ZNF100: variants seen among roughly 807,000 people sequenced by gnomAD.
ZNF100 encodes zinc finger protein 100 (Y1).
In ZNF100, 12 loss-of-function variants were observed where a neutral mutation model predicts 15.8. The observed-to-expected ratio is 0.76, with a 90% confidence interval of 0.49 to 1.23. The LOEUF (loss-of-function observed/expected upper bound fraction) is 1.23, where lower values mean the gene tolerates loss of function less well. Among genes scored for constraint, ZNF100 ranks in the 50% most tolerant of loss-of-function variants. The probability of loss-of-function intolerance (pLI) is 0.00; values close to 1 mark genes in which losing one functional copy is unlikely to be tolerated. For missense variants in ZNF100, 670 were observed against 635.6 expected (o/e 1.05, Z -0.58); for synonymous variants, 226 against 214.8 (o/e 1.05, Z -0.45).
intron 2 of ZNF100, among the ~76,000 whole-genome samples, chr19:21,760,389 G>A (rs2036462645): frequency 6.6e-6 from 1 of 151,716 alleles, no homozygotes. Flanking sequence ...TAGCTAGTTG[G>A]GAGGCTGAGG....
rs1383529429 is a variant in ZNF100 at position 21,724,368 on chromosome 19, AT to A, written c.*2314del. On this transcript the variant is annotated 3_prime_UTR_variant, in exon 5 of 5. Coordinates refer to ENST00000358296, the MANE Select transcript of ZNF100 (RefSeq NM_173531.4). ...AAGGTTTATCTTTAGACTAACATATATTTAACTATATGTAAATCAAAACTAA... is the reference window on the plus strand; with the variant it reads ...AAGGTTTATCTTTAGACTAACATATATTAACTATATGTAAATCAAAACTAA... 1 of 152,176 alleles carries A rather than the reference AT, an allele frequency of 6.6e-6. No individual in the cohort carries two copies. The highest frequency in any genetic ancestry group is 1.5e-5 in the Non-Finnish European group (1 of 68,032). The allele number at this position is 152,176 out of a possible 1,614,324, so 9.4% of individuals were successfully genotyped here. A position where few individuals can be genotyped will look rare whatever the true frequency, so the allele number is the denominator to read the frequency against.
chr19:21,732,951 G>A (rs2035944619), intron 4 of ZNF100, among the ~76,000 whole-genome samples: 1 of 152,106 alleles, frequency 6.6e-6, no homozygotes, highest in Admixed American at 6.6e-5. Flanking sequence ...TGGTGGCCAG[G>A]CACAGTGGCT....
At chr19:21,739,282 G>A (rs527654499) in intron 4 of ZNF100, among the ~76,000 whole-genome samples, 67 of 152,296 alleles carry the variant, frequency 4.4e-4, no homozygotes, top group Admixed American at 1.2e-3. Context: ...TGAAGAATAC[G>A]TAGTGGCTGA....
At position 21,726,840 on chromosome 19, in the gene ZNF100, C is replaced by T. The variant is rs1393779330; in HGVS notation, c.1472G>A (p.Gly491Asp). 7 of 1,613,380 alleles carry T rather than the reference C, an allele frequency of 4.3e-6. No homozygotes were observed. In the South Asian group the frequency reaches 4.4e-5, roughly 10 times the overall value. The change falls in exon 5 of 5, where the codon GGC becomes GAC. Residue 491 changes from glycine to aspartate, a missense_variant. Physicochemically the swap from Gly to Asp is moderately conservative, Grantham distance 94. Coordinates refer to ENST00000358296, the MANE Select transcript of ZNF100 (RefSeq NM_173531.4). ...GEKPYKCEEC[G>D]KAFNRSSTLT... ...GGTTGAGGATCGGTTAAAAGCTTTG[C>T]CACATTCCTCACATTTGTAGGGTTT...
At chr19:21,738,716 T>TGGGAGGTCGATGAGGTC (rs1490755609) in intron 4 of ZNF100, among the ~76,000 whole-genome samples, 1 of 152,084 alleles carries the variant, frequency 6.6e-6, no homozygotes, top group Non-Finnish European at 1.5e-5. Context: ...CCAAGCACTT[T>TGGGAGGTCGATGAGGTC]GGGAGGTCGA....
chr19:21,766,765 G>A (rs1413701040), intron 1 of ZNF100, among the ~76,000 whole-genome samples: 1 of 152,020 alleles, frequency 6.6e-6, no homozygotes, highest in East Asian at 1.9e-4. Context: ...AGGCCAAGGC[G>A]GGCGGATCAC....
intron 4 of ZNF100, among the ~76,000 whole-genome samples, chr19:21,730,165 C>T (rs2035887213): frequency 6.6e-6 from 1 of 151,750 alleles, no homozygotes; most frequent in African/African-American, 2.4e-5. Context: ...GACATACTTT[C>T]AATAGAGACT....
At chr19:21,741,614 G>A (rs994755755) in intron 4 of ZNF100, among the ~76,000 whole-genome samples, 1 of 151,702 alleles carries the variant, frequency 6.6e-6, no homozygotes, top group African/African-American at 2.4e-5. Context: ...ACCTCAGGTG[G>A]TCTGCCCACC....
intron 4 of ZNF100, among the ~76,000 whole-genome samples, chr19:21,732,703 G>C (rs1320610907): frequency 2.6e-5 from 4 of 151,264 alleles, no homozygotes; most frequent in Admixed American, 6.6e-5. Context: ...ATGCCATCAA[G>C]TAGATCAATA....
At chr19:21,745,514 T>C (rs2145719919) in intron 2 of ZNF100, among the ~76,000 whole-genome samples, 2 of 152,020 alleles carry the variant, frequency 1.3e-5, no homozygotes, top group Admixed American at 1.3e-4. Flanking sequence ...TCTGAATTTC[T>C]TTCTTTTTTT....
chr19:21,750,987 T>A, intron 2 of ZNF100: 1 of 1,134,914 alleles, frequency 8.8e-7, no homozygotes, highest in South Asian at 1.4e-5. Flanking sequence ...CCCGCTTCTG[T>A]GGAGCCTACC....
rs1243525790 is a variant in ZNF100, at chr19:21,727,264, A to G, written c.1048T>C (p.Cys350Arg). The G allele has an allele frequency of 6.2e-7, 1 of 1,613,690 alleles. No individual in the cohort carries two copies. Among genetic ancestry groups the G allele is most frequent in the Non-Finnish European group, 8.5e-7 (1 of 1,179,934 alleles). ...TGEKPYKCEE[C>R]GKAFNQSSTL... Reference sequence around the variant, plus strand: ...GAGGACTGGTTAAAGGCTTTGCCACATTCTTCACATTTGTAGGGTTTCTCT... The same window carrying G: ...GAGGACTGGTTAAAGGCTTTGCCACGTTCTTCACATTTGTAGGGTTTCTCT... The change falls in exon 5 of 5, where the codon TGT becomes CGT. Residue 350 changes from cysteine (C) to arginine (R), a missense_variant. Physicochemically the swap from Cys to Arg is radical, Grantham distance 180. Coordinates refer to ENST00000358296, the MANE Select transcript of ZNF100 (RefSeq NM_173531.4).
intron 4 of ZNF100, among the ~76,000 whole-genome samples, chr19:21,729,189 AG>A (rs542770458): frequency 6.2e-4 from 94 of 152,236 alleles, no homozygotes; most frequent in African/African-American, 2.1e-3. Context: ...GCAGGCCAGA[AG>A]GGAAGTGTGT....
At chr19:21,760,905 C>T (rs10405075) in intron 2 of ZNF100, among the ~76,000 whole-genome samples, 115,364 of 151,552 alleles carry the variant, frequency 0.76, 45,117 homozygotes, top group Non-Finnish European at 0.85. Flanking sequence ...TACAGGTGCC[C>T]GCAACCATGT....
chr19:21,739,128 T>C (rs1470933894), intron 4 of ZNF100, among the ~76,000 whole-genome samples: 1 of 152,182 alleles, frequency 6.6e-6, no homozygotes, highest in Non-Finnish European at 1.5e-5. Context: ...AGCATGAGGT[T>C]TGCAGAACAT....
chr19:21,762,505 A>G (rs545881686), intron 2 of ZNF100, among the ~76,000 whole-genome samples: 26 of 152,210 alleles, frequency 1.7e-4, no homozygotes, highest in Non-Finnish European at 3.4e-4. Flanking sequence ...AATCTTCCAG[A>G]TATCACCTAT....
rs1382398468 is a variant in ZNF100, at chr19:21,725,919, T to A, written c.*764A>T. 1 of 152,158 alleles carries A rather than the reference T, an allele frequency of 6.6e-6. No individual in the cohort carries two copies. Among genetic ancestry groups the A allele is most frequent in the African/African-American group, 2.4e-5 (1 of 41,444 alleles). 9.4% of individuals were successfully genotyped at this position (152,158 alleles called of 1,614,324 possible). Reference sequence around the variant, plus strand: ...AAAATTTTTCCTGTATCTGCAAAAATATGTTTTAGTATGAACTCTCTGGTG... The same window carrying A: ...AAAATTTTTCCTGTATCTGCAAAAAAATGTTTTAGTATGAACTCTCTGGTG... On this transcript the variant is annotated 3_prime_UTR_variant, in exon 5 of 5. Transcript: ENST00000358296.
chr19:21,728,407 T>C (rs957858461), intron 4 of ZNF100, among the ~76,000 whole-genome samples: 8 of 152,114 alleles, frequency 5.3e-5, no homozygotes, highest in African/African-American at 1.7e-4. Flanking sequence ...TCTTGAAATA[T>C]AATGCTGAAA....
At chr19:21,735,798 A>T (rs539890118) in intron 4 of ZNF100, among the ~76,000 whole-genome samples, 2 of 150,760 alleles carry the variant, frequency 1.3e-5, no homozygotes, top group South Asian at 4.2e-4. Flanking sequence ...CGCTTGATTG[A>T]TTTTTTTTGA....
Sources: gnomAD v4.1 joint callset for allele counts (sites outside exome capture counted in the v4.1 genomes callset) on GRCh38, gnomAD v4.1.1 for gene constraint, MANE v1.5 for transcripts, NCBI Gene and HGNC (gene_info 2026-07-23, HGNC 2026-07-21) for gene names.